SPIDR: variants seen among roughly 807,000 people sequenced by gnomAD.
SPIDR encodes the protein scaffold protein involved in DNA repair.
Under a neutral mutation model 104.6 loss-of-function variants are expected in SPIDR, and 93 were observed. The observed-to-expected ratio is 0.89, with a 90% confidence interval of 0.75 to 1.06. The LOEUF is 1.06. Among genes scored for constraint, SPIDR ranks in the 50% least tolerant of loss-of-function variants. SPIDR has a pLI of 0.00. For synonymous variants in SPIDR, 431 were observed against 416.9 expected (o/e 1.03, Z -0.41); for missense variants, 1,154 against 1,111.2 (o/e 1.04, Z -0.55).
intron 11 of SPIDR, among the ~76,000 whole-genome samples, chr8:47,692,438 G>A (rs1252663989): frequency 6.7e-6 from 1 of 150,162 alleles, no homozygotes; most frequent in African/African-American, 2.5e-5. Flanking sequence ...TTTCACTTTA[G>A]CAGAATGTTT....
At chr8:47,538,857 CTTTTTTTT>C (rs1161571829) in intron 8 of SPIDR, among the ~76,000 whole-genome samples, 48 of 100,846 alleles carry the variant, frequency 4.8e-4, no homozygotes, top group African/African-American at 1.7e-3. Flanking sequence ...TTTTTCTTTT[CTTTTTTTT>C]TTTTTTTTTT....
At chr8:47,567,660 G>A (rs1036438619) in intron 8 of SPIDR, among the ~76,000 whole-genome samples, 1 of 152,124 alleles carries the variant, frequency 6.6e-6, no homozygotes, top group South Asian at 2.1e-4. Flanking sequence ...GTAGGAAGGG[G>A]CTGGCAATTA....
At chr8:47,472,683 T>C (rs2075865579) in intron 8 of SPIDR, among the ~76,000 whole-genome samples, 1 of 152,194 alleles carries the variant, frequency 6.6e-6, no homozygotes, top group Non-Finnish European at 1.5e-5. Flanking sequence ...AAGCTAGACA[T>C]CACTGACCTC....
chr8:47,282,350 G>A (rs970236414), intron 2 of SPIDR, among the ~76,000 whole-genome samples: 18 of 152,288 alleles, frequency 1.2e-4, no homozygotes, highest in African/African-American at 4.3e-4. Context: ...AGTCTTAAAG[G>A]GCATCATCTT....
At chr8:47,308,207 G>T (rs2043449481) in intron 5 of SPIDR, among the ~76,000 whole-genome samples, 2 of 151,686 alleles carry the variant, frequency 1.3e-5, no homozygotes, top group Admixed American at 6.6e-5. Context: ...GATTACAGGT[G>T]TGTGCCACCA....
chr8:47,653,317 T>A (rs1223808769), intron 10 of SPIDR, among the ~76,000 whole-genome samples: 1 of 152,134 alleles, frequency 6.6e-6, no homozygotes, highest in Admixed American at 6.5e-5. Context: ...TACAAATCCT[T>A]GGCCTCTCAG....
At chr8:47,732,540 C>G in intron 19 of SPIDR, 3 of 286,278 alleles carry the variant, frequency 1.0e-5, no homozygotes, top group Non-Finnish European at 2.0e-5. Flanking sequence ...TGGAAGTAGA[C>G]AACTTAGGAG....
chr8:47,469,601 TAAAC>T (rs1262718398), intron 8 of SPIDR, among the ~76,000 whole-genome samples: 1 of 152,058 alleles, frequency 6.6e-6, no homozygotes, highest in Non-Finnish European at 1.5e-5. Context: ...ACTATTATCC[TAAAC>T]AAACTAATGT....
intron 1 of SPIDR, among the ~76,000 whole-genome samples, chr8:47,276,137 A>G (rs1355821156): frequency 1.3e-5 from 2 of 152,260 alleles, no homozygotes; most frequent in Non-Finnish European, 2.9e-5. Flanking sequence ...CTGGGGTTAC[A>G]GGCATGAGCC....
chr8:47,313,733 G>C (rs1183862599), intron 5 of SPIDR, among the ~76,000 whole-genome samples: 1 of 152,190 alleles, frequency 6.6e-6, no homozygotes, highest in South Asian at 2.1e-4. Flanking sequence ...CAGTGGAACA[G>C]AACAGAGCCC....
intron 5 of SPIDR, among the ~76,000 whole-genome samples, chr8:47,339,869 C>T (rs1428547076): frequency 2.0e-5 from 3 of 151,632 alleles, no homozygotes; most frequent in South Asian, 2.1e-4. Context: ...TTAGTATAGA[C>T]GGGGTTTCAC....
chr8:47,314,899 GC>G, intron 5 of SPIDR, among the ~76,000 whole-genome samples: 1 of 152,110 alleles, frequency 6.6e-6, no homozygotes, highest in Non-Finnish European at 1.5e-5. Context: ...TACCAGAGAT[GC>G]ATTTTAAAAA....
chr8:47,372,299 C>T (rs879973641), intron 5 of SPIDR, among the ~76,000 whole-genome samples: 2 of 152,252 alleles, frequency 1.3e-5, no homozygotes, highest in Non-Finnish European at 1.5e-5. Context: ...GGGTGAGTAA[C>T]GATAGGAAGG....
intron 8 of SPIDR, among the ~76,000 whole-genome samples, chr8:47,542,523 T>A (rs142422702): frequency 5.1e-4 from 77 of 152,180 alleles, no homozygotes; most frequent in African/African-American, 1.1e-3. Flanking sequence ...GGATTTTTTT[T>A]AAAAAAAGTA....
intron 5 of SPIDR, among the ~76,000 whole-genome samples, chr8:47,304,536 G>A (rs1052177973): frequency 2.0e-4 from 30 of 152,042 alleles, no homozygotes; most frequent in Non-Finnish European, 1.6e-4. Context: ...ATACGTAAAA[G>A]TGTGTAGTAC....
intron 14 of SPIDR, among the ~76,000 whole-genome samples, chr8:47,706,112 G>T (rs954931939): frequency 6.6e-6 from 1 of 152,052 alleles, no homozygotes; most frequent in Non-Finnish European, 1.5e-5. Flanking sequence ...ACCAAAACCA[G>T]CTGGGCGCGG....
At chr8:47,289,688 G>T (rs1176075128) in intron 3 of SPIDR, among the ~76,000 whole-genome samples, 1 of 152,176 alleles carries the variant, frequency 6.6e-6, no homozygotes, top group Non-Finnish European at 1.5e-5. Context: ...AGCCACTCTG[G>T]AGAACAGTCT....
At chr8:47,676,315 T>G (rs2154473475) in intron 11 of SPIDR, among the ~76,000 whole-genome samples, 1 of 152,362 alleles carries the variant, frequency 6.6e-6, no homozygotes, top group Middle Eastern at 3.4e-3. Context: ...TATTTGATGC[T>G]TTTTTAGGTT....
chr8:47,446,651 A>G (rs1404448484), intron 8 of SPIDR, among the ~76,000 whole-genome samples: 1 of 150,678 alleles, frequency 6.6e-6, no homozygotes, highest in African/African-American at 2.4e-5. Flanking sequence ...CAGTGGTGCA[A>G]TCTCAGCTTA....
Sources: gnomAD v4.1 joint callset for allele counts (sites outside exome capture counted in the v4.1 genomes callset) on GRCh38, gnomAD v4.1.1 for gene constraint, MANE v1.5 for transcripts, NCBI Gene and HGNC (gene_info 2026-07-23, HGNC 2026-07-21) for gene names.